The following WWTR1 variants were observed in gnomAD, a reference collection of about 807,000 sequenced individuals.
WWTR1 encodes the protein WW domain-containing transcription regulator protein 1.
WWTR1 carries 13 observed loss-of-function variants against 40.1 expected under a neutral mutation model. The observed-to-expected ratio is 0.32, with a 90% CI of 0.21 to 0.52. WWTR1 has a LOEUF of 0.52. Among genes scored for constraint, WWTR1 ranks in the 20% least tolerant of loss-of-function variants. The probability of loss-of-function intolerance (pLI) is 0.97; values close to 1 mark genes in which losing one functional copy is unlikely to be tolerated. For missense variants in WWTR1, 436 were observed against 523.1 expected (o/e 0.83, Z 1.63); for synonymous variants, 230 against 210.1 (o/e 1.09, Z -0.82).
At chr3:149,622,494 G>GAAAGAAAGAA (rs1560089693) in intron 2 of WWTR1, among the ~76,000 whole-genome samples, 3 of 44,830 alleles carry the variant, frequency 6.7e-5, no homozygotes, top group African/African-American at 2.1e-4. Flanking sequence ...AGGAAGGAAG[G>GAAAGAAAGAA]AAGGAAGGAA....
chr3:149,668,159 A>T (rs1166813095), intron 2 of WWTR1, among the ~76,000 whole-genome samples: 1 of 152,228 alleles, frequency 6.6e-6, no homozygotes, highest in Non-Finnish European at 1.5e-5. Flanking sequence ...TTAGGTATCC[A>T]CTTCTCTCAT....
chr3:149,590,884 C>A (rs1738680871), intron 2 of WWTR1, among the ~76,000 whole-genome samples: 1 of 152,134 alleles, frequency 6.6e-6, no homozygotes, highest in Non-Finnish European at 1.5e-5. Context: ...TGTCCTGGAA[C>A]AATATCTCCT....
chr3:149,610,239 A>T (rs1437423510), intron 2 of WWTR1, among the ~76,000 whole-genome samples: 1 of 152,204 alleles, frequency 6.6e-6, no homozygotes, highest in Non-Finnish European at 1.5e-5. Flanking sequence ...TTACAAGCAA[A>T]GTACCAAATT....
chr3:149,562,048 C>A (rs1737104925), intron 3 of WWTR1, among the ~76,000 whole-genome samples: 1 of 152,088 alleles, frequency 6.6e-6, no homozygotes, highest in South Asian at 2.1e-4. Context: ...GTAATCCCAA[C>A]ACTTTGGGGG....
intron 1 of WWTR1, among the ~76,000 whole-genome samples, chr3:149,699,269 G>T (rs1715090881): frequency 6.6e-6 from 1 of 150,852 alleles, no homozygotes; most frequent in South Asian, 2.1e-4. Flanking sequence ...AATTTCTTCT[G>T]CCAGATATTC....
chr3:149,719,164 TTC>T (rs1442633474), intron 4 of WWTR1, among the ~76,000 whole-genome samples: 2 of 150,656 alleles, frequency 1.3e-5, no homozygotes, highest in African/African-American at 4.9e-5. Context: ...AATATTCTTT[TTC>T]TTTTTTTTTT....
At chr3:149,559,191 G>C (rs1736976132) in intron 3 of WWTR1, among the ~76,000 whole-genome samples, 1 of 151,338 alleles carries the variant, frequency 6.6e-6, no homozygotes, top group Non-Finnish European at 1.5e-5. Context: ...CTACTTGGGA[G>C]GCTGCAGCAG....
intron 2 of WWTR1, among the ~76,000 whole-genome samples, chr3:149,582,551 T>G (rs1031302329): frequency 6.7e-6 from 1 of 149,652 alleles, no homozygotes; most frequent in East Asian, 2.0e-4. Context: ...CATAGGGAGA[T>G]CTTATCTCTA....
chr3:149,702,723 C>T (rs1715220384), intron 1 of WWTR1: 3 of 151,134 alleles, frequency 2.0e-5, no homozygotes, highest in South Asian at 2.1e-4. Context: ...TATGAAATAA[C>T]AAGTAGGATC....
rs543343265 is a variant in WWTR1 at position 149,698,367 on chromosome 3, A to G, written c.-108+4757T>C. On this transcript the variant is annotated intron_variant, in intron 1 of 7. Transcript: ENST00000465804. ...TCACTTCTCTCACCTGCCACCATGT[A>G]AGACGTGCCTGTTTCACTTCTGCCA... 3.0e-4 allele frequency among the ~76,000 whole-genome samples: 46 copies of G among 152,330 alleles called. No individual in the cohort carries two copies. In the South Asian group the frequency reaches 5.6e-3, roughly 19 times the overall value.
At chr3:149,723,185 CTTTTTTTTT>C (rs35573546) in intron 4 of WWTR1, among the ~76,000 whole-genome samples, 2 of 101,816 alleles carry the variant, frequency 2.0e-5, no homozygotes, top group Non-Finnish European at 3.8e-5. Flanking sequence ...CTTTTCTTTT[CTTTTTTTTT>C]TTTTTTTTTT....
chr3:149,581,397 C>T (rs1229224056), intron 2 of WWTR1, among the ~76,000 whole-genome samples: 1 of 151,540 alleles, frequency 6.6e-6, no homozygotes, highest in African/African-American at 2.4e-5. Flanking sequence ...CTTCACACAG[C>T]AGAAATGTGT....
At chr3:149,702,046 T>C (rs1219911105) in intron 1 of WWTR1, 2 of 165,606 alleles carry the variant, frequency 1.2e-5, no homozygotes, top group African/African-American at 4.9e-5. Flanking sequence ...ATAAAATAAA[T>C]GAAGTGGCAG....
intron 3 of WWTR1, among the ~76,000 whole-genome samples, chr3:149,547,661 A>G (rs1227028281): frequency 6.6e-6 from 1 of 152,164 alleles, no homozygotes. Flanking sequence ...CAGTCCCCCC[A>G]GAAAGGAATA....
At chr3:149,571,880 G>A (rs967719018) in intron 3 of WWTR1, among the ~76,000 whole-genome samples, 9 of 151,768 alleles carry the variant, frequency 5.9e-5, no homozygotes, top group African/African-American at 1.7e-4. Flanking sequence ...TTTTAGCCCT[G>A]GGGGAGAAGG....
intron 2 of WWTR1, among the ~76,000 whole-genome samples, chr3:149,642,998 T>C (rs1167212828): frequency 1.3e-5 from 2 of 152,152 alleles, no homozygotes; most frequent in Admixed American, 6.6e-5. Context: ...AAATCCCAAA[T>C]CTGTAACAAG....
chr3:149,522,996 G>A (rs1237707697), intron 6 of WWTR1, among the ~76,000 whole-genome samples: 1 of 151,456 alleles, frequency 6.6e-6, no homozygotes, highest in Non-Finnish European at 1.5e-5. Flanking sequence ...AATCCAGGAG[G>A]TAGAGGTTGC....
At chr3:149,568,552 AAAAAAAAAC>A (rs1560064510) in intron 3 of WWTR1, among the ~76,000 whole-genome samples, 1 of 144,036 alleles carries the variant, frequency 6.9e-6, no homozygotes, top group African/African-American at 2.7e-5. Context: ...AAAAAAAAAA[AAAAAAAAAC>A]CATATTTTTG....
In WWTR1 at chr3:149,574,460, T is replaced by C. The variant is rs1456624696; in HGVS notation, c.432-1460A>G. On this transcript the variant is annotated intron_variant, in intron 2 of 6. Coordinates refer to ENST00000360632, the MANE Select transcript of WWTR1 (RefSeq NM_015472.6). ...GTCTCTTCCAGTCAGGCCCCCACCA[T>C]TGACCTTCCTTAGACATACAACAAA... Among the ~76,000 whole-genome samples the C allele has an allele frequency of 4.6e-5, 7 of 152,186 alleles. 1 individual carries two copies. The South Asian group carries it at 8.3e-4, about 18-fold the overall frequency.
Sources: allele counts gnomAD v4.1 joint callset (sites outside exome capture counted in the v4.1 genomes callset), GRCh38; gene constraint gnomAD v4.1.1; transcripts MANE v1.5; gene names NCBI Gene and HGNC (gene_info 2026-07-23, HGNC 2026-07-21).